Variants in SNTB1 observed in about 807,000 individuals in gnomAD.
The protein encoded by SNTB1 is syntrophin beta 1.
SNTB1 carries 36 observed loss-of-function variants against 48.9 expected under a neutral mutation model. That is an observed-to-expected ratio of 0.74 (90% CI 0.56 to 0.97). The LOEUF (loss-of-function observed/expected upper bound fraction) is 0.97. Among genes scored for constraint, SNTB1 ranks in the 50% least tolerant of loss-of-function variants. The pLI, the probability that SNTB1 is intolerant of heterozygous loss-of-function variation, is 0.00. For synonymous variants in SNTB1, 299 were observed against 294.6 expected (o/e 1.01, Z -0.15); for missense variants, 786 against 703.4 (o/e 1.12, Z -1.33).
intron 1 of SNTB1, among the ~76,000 whole-genome samples, chr8:120,778,384 A>G (rs1189586420): frequency 1.3e-5 from 2 of 152,184 alleles, no homozygotes; most frequent in East Asian, 3.9e-4. Flanking sequence ...GTCACCAAAA[A>G]AGGTGGAAAC....
intron 3 of SNTB1, among the ~76,000 whole-genome samples, chr8:120,611,548 G>C (rs1341089451): frequency 2.0e-5 from 3 of 151,804 alleles, no homozygotes; most frequent in Middle Eastern, 6.9e-3. Flanking sequence ...GCCAGGCCAG[G>C]TGCGGTAGCT....
chr8:120,612,448 T>C (rs1295841454), intron 3 of SNTB1, among the ~76,000 whole-genome samples: 1 of 152,226 alleles, frequency 6.6e-6, no homozygotes, highest in African/African-American at 2.4e-5. Context: ...TAAACACTGT[T>C]AGGCATCGGA....
At chr8:120,678,163 G>A (rs1183289903) in intron 2 of SNTB1, among the ~76,000 whole-genome samples, 1 of 152,118 alleles carries the variant, frequency 6.6e-6, no homozygotes, top group South Asian at 2.1e-4. Flanking sequence ...GTAAATTAAT[G>A]TTAAAAAACA....
Position 120,773,701 on chromosome 8 carries a change from G to T in SNTB1, c.571+37572C>A, listed in dbSNP as rs1819680390. Among the ~76,000 whole-genome samples, 3 of 152,312 alleles carry T rather than the reference G, an allele frequency of 2.0e-5. No individual in the cohort carries two copies. The South Asian group carries it at 6.2e-4, about 32-fold the overall frequency. ...CAAACCCACTGTGTGATTATTGTGTGCCAAATACAATAACCTTATATTTAT... is the reference window on the plus strand; with the variant it reads ...CAAACCCACTGTGTGATTATTGTGTTCCAAATACAATAACCTTATATTTAT... On this transcript the variant is annotated intron_variant, in intron 1 of 6. Coordinates refer to ENST00000517992, the MANE Select transcript of SNTB1 (RefSeq NM_021021.4).
chr8:120,682,947 T>C (rs1817960256), intron 2 of SNTB1, among the ~76,000 whole-genome samples: 1 of 149,056 alleles, frequency 6.7e-6, no homozygotes, highest in South Asian at 2.2e-4. Context: ...AGTGGCGCTA[T>C]CTCGGCTCAC....
chr8:120,594,193 C>T (rs1002979841), intron 3 of SNTB1, among the ~76,000 whole-genome samples: 17 of 151,564 alleles, frequency 1.1e-4, no homozygotes, highest in African/African-American at 3.9e-4. Context: ...CCTCCTGAGT[C>T]GCTGGCACTA....
At chr8:120,717,492 C>T (rs746879177) in intron 1 of SNTB1, among the ~76,000 whole-genome samples, 2 of 152,192 alleles carry the variant, frequency 1.3e-5, no homozygotes, top group Non-Finnish European at 2.9e-5. Flanking sequence ...TCCAACTTTG[C>T]CACAATGTAC....
At chr8:120,652,579 A>G (rs1817426820) in intron 2 of SNTB1, among the ~76,000 whole-genome samples, 2 of 151,936 alleles carry the variant, frequency 1.3e-5, no homozygotes, top group African/African-American at 4.8e-5. Context: ...ATACAACCAA[A>G]AGTCCTGACT....
intron 2 of SNTB1, among the ~76,000 whole-genome samples, chr8:120,676,336 AG>A (rs1276124710): frequency 6.6e-6 from 1 of 152,230 alleles, no homozygotes; most frequent in African/African-American, 2.4e-5. Context: ...TGCACTTGAG[AG>A]GCATGTAAAC....
chr8:120,811,873 T>G lies in SNTB1; in HGVS notation c.-30A>C. The stretch of plus-strand genomic sequence containing the variant: ...CCGGCATTCTTAAAATGCCATGTGA[T>G]TGGAAAAGGGGGGAAAAGTGGGGAA... On this transcript the variant is annotated 5_prime_UTR_variant, in exon 1 of 7. Transcript: ENST00000517992. 7.6e-7 allele frequency: 1 copy of G among 1,323,508 alleles called. No individual in the cohort carries two copies. The allele number at this position is 1,323,508 out of a possible 1,614,324, so 82.0% of individuals were successfully genotyped here. A position where few individuals can be genotyped will look rare whatever the true frequency, so the allele number is the denominator to read the frequency against.
intron 1 of SNTB1, among the ~76,000 whole-genome samples, chr8:120,694,585 C>T (rs918220649): frequency 2.0e-5 from 3 of 150,992 alleles, no homozygotes; most frequent in Non-Finnish European, 4.4e-5. Context: ...ATATATATAT[C>T]TCTTTCTCTC....
intron 2 of SNTB1, among the ~76,000 whole-genome samples, chr8:120,650,351 G>C (rs894544014): frequency 7.9e-5 from 12 of 152,142 alleles, no homozygotes; most frequent in African/African-American, 2.9e-4. Context: ...ATGATGGTGG[G>C]CTAAGAATTG....
At chr8:120,710,918 G>T in intron 1 of SNTB1, among the ~76,000 whole-genome samples, 1 of 152,158 alleles carries the variant, frequency 6.6e-6, no homozygotes, top group South Asian at 2.1e-4. Flanking sequence ...ATTCTGAAAT[G>T]TGTTAAAACG....
chr8:120,667,399 C>T (rs35780243), intron 2 of SNTB1, among the ~76,000 whole-genome samples: 84,472 of 152,070 alleles, frequency 0.56, 23,826 homozygotes, highest in East Asian at 0.7. Flanking sequence ...TGGAAATCCA[C>T]ATGTGAGGAA....
intron 1 of SNTB1, among the ~76,000 whole-genome samples, chr8:120,787,448 A>G (rs1587162830): frequency 6.6e-6 from 1 of 151,758 alleles, no homozygotes; most frequent in East Asian, 1.9e-4. Context: ...GAGATACAGA[A>G]GAAAGGTAAA....
intron 3 of SNTB1, among the ~76,000 whole-genome samples, chr8:120,606,688 T>C (rs2130725756): frequency 6.6e-6 from 1 of 152,312 alleles, no homozygotes; most frequent in Non-Finnish European, 1.5e-5. Flanking sequence ...TTGGTTTTGG[T>C]CTCACAGAAT....
intron 3 of SNTB1, among the ~76,000 whole-genome samples, chr8:120,575,894 T>A (rs139166975): frequency 1.2e-4 from 18 of 152,338 alleles, no homozygotes; most frequent in African/African-American, 4.3e-4. Context: ...ACCCTTCTAA[T>A]CTGGAGAATC....
At chr8:120,548,679 G>A (rs1815424029) in intron 5 of SNTB1, 83 bp downstream of exon 5, 3 of 1,310,322 alleles carry the variant, frequency 2.3e-6, no homozygotes, top group Admixed American at 1.9e-5. Flanking sequence ...GGCCAGTGAT[G>A]AAAACTACTT....
At chr8:120,559,569 A>C (rs1352088473) in intron 4 of SNTB1, among the ~76,000 whole-genome samples, 4 of 152,210 alleles carry the variant, frequency 2.6e-5, no homozygotes, top group African/African-American at 9.6e-5. Flanking sequence ...CATCAGGCCA[A>C]GTGTTTCTCT....
Sources: allele counts gnomAD v4.1 joint callset (sites outside exome capture counted in the v4.1 genomes callset), GRCh38; gene constraint gnomAD v4.1.1; transcripts MANE v1.5; gene names NCBI Gene and HGNC (gene_info 2026-07-23, HGNC 2026-07-21).